The following CDH18 variants were observed in gnomAD, a reference collection of about 807,000 sequenced individuals.
CDH18 encodes the protein cadherin-18.
Under a neutral mutation model 67.9 loss-of-function variants are expected in CDH18, and 31 were observed. The ratio of observed to expected loss-of-function variants is 0.46; its 90% CI spans 0.34 to 0.62. CDH18 has a LOEUF of 0.62. Ranked by LOEUF, CDH18 falls within the 20% of genes least tolerant of loss-of-function variation. The pLI, the probability that CDH18 is intolerant of heterozygous loss-of-function variation, is 0.01. For synonymous variants in CDH18, 362 were observed against 347.2 expected (o/e 1.04, Z -0.48); for missense variants, 890 against 975.5 (o/e 0.91, Z 1.17).
chr5:20,527,876 G>A (rs1756163195), intron 1 of CDH18, among the ~76,000 whole-genome samples: 1 of 151,976 alleles, frequency 6.6e-6, no homozygotes, highest in Admixed American at 6.6e-5. Context: ...TAATCAGTCA[G>A]CATTATGATG....
chr5:20,108,691 C>T (rs1747200749), intron 2 of CDH18, among the ~76,000 whole-genome samples: 1 of 152,190 alleles, frequency 6.6e-6, no homozygotes, highest in African/African-American at 2.4e-5. Flanking sequence ...TTTTCTCTGA[C>T]TGAGACTACT....
At chr5:20,287,131 T>A (rs572678739) in intron 1 of CDH18, among the ~76,000 whole-genome samples, 3 of 151,778 alleles carry the variant, frequency 2.0e-5, no homozygotes, top group Non-Finnish European at 4.4e-5. Flanking sequence ...CCTAAGTGGA[T>A]TGATATCTGT....
intron 4 of CDH18, among the ~76,000 whole-genome samples, chr5:19,739,304 G>C (rs920661718): frequency 6.6e-6 from 1 of 152,094 alleles, no homozygotes; most frequent in Non-Finnish European, 1.5e-5. Context: ...TAATATTTTT[G>C]CTCTTATCCT....
At chr5:19,633,643 T>A (rs1480228337) in intron 5 of CDH18, among the ~76,000 whole-genome samples, 3 of 152,092 alleles carry the variant, frequency 2.0e-5, no homozygotes, top group Admixed American at 1.3e-4. Flanking sequence ...CATTTTTTTT[T>A]AATTGAGACA....
At chr5:19,755,583 TAATATAA>T (rs1771502743) in intron 3 of CDH18, among the ~76,000 whole-genome samples, 1 of 139,778 alleles carries the variant, frequency 7.2e-6, no homozygotes, top group African/African-American at 2.9e-5. Flanking sequence ...AGGATATATA[TAATATAA>T]GATATATATA....
Position 19,610,219 on chromosome 5 carries a change from A to G in CDH18, c.811+2215T>C, listed in dbSNP as rs140730141. On this transcript the variant is annotated intron_variant, in intron 6 of 12. Coordinates refer to ENST00000382275, the MANE Select transcript of CDH18 (RefSeq NM_004934.5). ...CCAGAATGTTACTGACTGAAGAAACATAGAATTCATTAGACACAATGAGTT... is the reference window on the plus strand; with the variant it reads ...CCAGAATGTTACTGACTGAAGAAACGTAGAATTCATTAGACACAATGAGTT... 2.8e-3 allele frequency among the ~76,000 whole-genome samples: 424 copies of G among 152,230 alleles called. 1 individual carries two copies. The highest frequency in any genetic ancestry group is 9.0e-3 in the African/African-American group (374 of 41,576).
chr5:20,415,696 T>C (rs933953173), intron 1 of CDH18, among the ~76,000 whole-genome samples: 1 of 151,846 alleles, frequency 6.6e-6, no homozygotes, highest in African/African-American at 2.4e-5. Flanking sequence ...TGGCGTGAAC[T>C]TGGGAGGCGG....
chr5:19,703,797 G>A (rs764820243), intron 5 of CDH18, among the ~76,000 whole-genome samples: 11 of 138,788 alleles, frequency 7.9e-5, no homozygotes, highest in Non-Finnish European at 1.4e-4. Context: ...AATACTTAAA[G>A]GATTTAAACA....
At chr5:20,063,050 A>G (rs1742647990) in intron 2 of CDH18, among the ~76,000 whole-genome samples, 1 of 143,492 alleles carries the variant, frequency 7.0e-6, no homozygotes, top group Non-Finnish European at 1.5e-5. Context: ...GTACACCAAT[A>G]TGCTTCTTAT....
chr5:19,957,733 A>G (rs1257682011), intron 2 of CDH18, among the ~76,000 whole-genome samples: 4 of 151,964 alleles, frequency 2.6e-5, no homozygotes, highest in Non-Finnish European at 5.9e-5. Flanking sequence ...ATCGAGAAGA[A>G]TTATATACAT....
intron 2 of CDH18, among the ~76,000 whole-genome samples, chr5:19,949,223 C>T (rs780613979): frequency 9.9e-5 from 15 of 152,024 alleles, no homozygotes; most frequent in Non-Finnish European, 1.9e-4. Flanking sequence ...TGATCTGGTA[C>T]TTAGATCTCA....
intron 2 of CDH18, among the ~76,000 whole-genome samples, chr5:19,916,695 T>A (rs1456574636): frequency 6.6e-6 from 1 of 152,198 alleles, no homozygotes; most frequent in African/African-American, 2.4e-5. Flanking sequence ...ATTTTTTAAA[T>A]TGGAATTTGA....
intron 8 of CDH18, among the ~76,000 whole-genome samples, chr5:19,561,282 G>A (rs988206025): frequency 6.6e-6 from 1 of 152,018 alleles, no homozygotes; most frequent in Non-Finnish European, 1.5e-5. Flanking sequence ...TCAATGTAGG[G>A]ATAAAGAAAA....
chr5:20,070,714 G>A (rs1743410497), intron 2 of CDH18, among the ~76,000 whole-genome samples: 1 of 152,130 alleles, frequency 6.6e-6, no homozygotes, highest in Non-Finnish European at 1.5e-5. Context: ...GAGAACAAAT[G>A]TAAACATTAA....
intron 2 of CDH18, among the ~76,000 whole-genome samples, chr5:20,164,490 G>C (rs1736137276): frequency 6.9e-6 from 1 of 145,324 alleles, no homozygotes; most frequent in South Asian, 2.2e-4. Flanking sequence ...AGTTTATCTA[G>C]TCTTGAACTC....
intron 10 of CDH18, among the ~76,000 whole-genome samples, chr5:19,514,823 T>G (rs1745703636): frequency 6.6e-6 from 1 of 152,226 alleles, no homozygotes; most frequent in Admixed American, 6.5e-5. Context: ...GGTAGTTTCT[T>G]TTGCTGTGCT....
At chr5:19,560,758 A>T (rs439837) in intron 8 of CDH18, among the ~76,000 whole-genome samples, 15,101 of 152,178 alleles carry the variant, frequency 0.099, 1,045 homozygotes, top group African/African-American at 0.19. Context: ...TTCACAATCT[A>T]TACATCTGAT....
chr5:19,561,967 G>C (rs966774377), intron 8 of CDH18, among the ~76,000 whole-genome samples: 1 of 152,234 alleles, frequency 6.6e-6, no homozygotes, highest in South Asian at 2.1e-4. Context: ...ACAGGTTGTA[G>C]ACAAAGACTT....
At chr5:20,505,049 C>T (rs964326648) in intron 1 of CDH18, among the ~76,000 whole-genome samples, 3 of 151,616 alleles carry the variant, frequency 2.0e-5, no homozygotes, top group South Asian at 2.1e-4. Context: ...TTACAGGTGT[C>T]GGCCATCGCG....
Sources: allele counts gnomAD v4.1 joint callset (sites outside exome capture counted in the v4.1 genomes callset), GRCh38; gene constraint gnomAD v4.1.1; transcripts MANE v1.5; gene names NCBI Gene and HGNC (gene_info 2026-07-23, HGNC 2026-07-21).